The following TMEM132D variants were observed in gnomAD, a reference collection of about 807,000 sequenced individuals.
The protein encoded by TMEM132D is mature OL transmembrane protein.
In TMEM132D, 21 loss-of-function variants were observed where a neutral mutation model predicts 62.3. The observed-to-expected ratio is 0.34, with a 90% confidence interval of 0.24 to 0.49. TMEM132D has a LOEUF of 0.49. Ranked by LOEUF, TMEM132D falls within the 20% of genes least tolerant of loss-of-function variation. TMEM132D has a pLI of 0.99. For synonymous variants in TMEM132D, 621 were observed against 575.6 expected, an observed-to-expected ratio of 1.08 and a Z score of -1.13; for missense variants, 1,346 against 1,402.8, an observed-to-expected ratio of 0.96 and a Z score of 0.65.
At chr12:129,549,153 G>T (rs1230082361) in intron 2 of TMEM132D, among the ~76,000 whole-genome samples, 3 of 147,088 alleles carry the variant, frequency 2.0e-5, no homozygotes, top group East Asian at 2.1e-4. Flanking sequence ...AATCATGGGG[G>T]TGGTTCCCCC....
At chr12:129,236,870 TAC>T (rs1285988623) in intron 4 of TMEM132D, among the ~76,000 whole-genome samples, 3 of 152,208 alleles carry the variant, frequency 2.0e-5, no homozygotes, top group African/African-American at 7.2e-5. Context: ...GTTTTTCATA[TAC>T]AGTCTGTATT....
intron 3 of TMEM132D, among the ~76,000 whole-genome samples, chr12:129,353,945 A>AT: frequency 6.6e-6 from 1 of 152,100 alleles, no homozygotes; most frequent in South Asian, 2.1e-4. Context: ...CAACACAGAC[A>AT]GCTCTTCTCA....
chr12:129,081,188 G>A (rs1874435461), intron 7 of TMEM132D, among the ~76,000 whole-genome samples: 1 of 152,200 alleles, frequency 6.6e-6, no homozygotes. Flanking sequence ...CCATGGCTTG[G>A]GCAAAATCAT....
intron 1 of TMEM132D, among the ~76,000 whole-genome samples, chr12:129,900,174 C>T (rs758804421): frequency 5.6e-4 from 86 of 152,308 alleles, no homozygotes; most frequent in Non-Finnish European, 1.1e-3. Context: ...TGAAAGTTCT[C>T]ACCCAGCTGG....
At position 129,074,625 on chromosome 12, in the gene TMEM132D, C is replaced by T. The variant is rs377746256; in HGVS notation, c.2550G>A (p.Met850Ile). The change falls in exon 9 of 9, where the codon ATG becomes ATA. Residue 850 changes from methionine (M) to isoleucine (I), a missense_variant. Coordinates refer to ENST00000422113, the MANE Select transcript of TMEM132D (RefSeq NM_133448.3). The stretch of plus-strand genomic sequence containing the variant: ...TGTCTGTCGTGGTGCCCCGTCCCTC[C>T]ATGAGTCCCATAGAAGAACTGCCAT... ...QYYGSSSMGL[M>I]EGRGTTTDRS... 43 of 1,613,952 alleles carry T rather than the reference C, an allele frequency of 2.7e-5. 1 individual carries two copies. Among genetic ancestry groups the T allele is most frequent in the Non-Finnish European group, 3.6e-5 (43 of 1,180,028 alleles).
At chr12:129,420,668 C>T (rs142942320) in intron 3 of TMEM132D, among the ~76,000 whole-genome samples, 93 of 152,268 alleles carry the variant, frequency 6.1e-4, no homozygotes, top group East Asian at 5.8e-3. Context: ...GCCCAACCAA[C>T]GCTCAGCAAG....
At chr12:129,663,220 C>A (rs1320178673) in intron 2 of TMEM132D, among the ~76,000 whole-genome samples, 1 of 152,188 alleles carries the variant, frequency 6.6e-6, no homozygotes, top group African/African-American at 2.4e-5. Flanking sequence ...TCTCCGCAGC[C>A]TCCACCTCCT....
At chr12:129,403,273 T>C (rs1436226101) in intron 3 of TMEM132D, among the ~76,000 whole-genome samples, 1 of 146,934 alleles carries the variant, frequency 6.8e-6, no homozygotes, top group Admixed American at 7.0e-5. Context: ...AACATTCATC[T>C]AGAATGCCGG....
rs1439994264 is a variant in TMEM132D at position 129,277,103 on chromosome 12, A to C, written c.1299+60531T>G. Among the ~76,000 whole-genome samples, 5 of 152,206 alleles carry C rather than the reference A, an allele frequency of 3.3e-5. No individual in the cohort carries two copies. The highest frequency in any genetic ancestry group is 1.2e-4 in the African/African-American group (5 of 41,450). On this transcript the variant is annotated intron_variant, in intron 4 of 8. Transcript: ENST00000422113. The surrounding 1 kb of genome is among the most constrained non-coding windows in gnomAD (Gnocchi z 4.2). ...ATGGACGAGCACAAAGGGGCTTAAT[A>C]ATATAAAGGTGAATTTCAGGGCCTT...
intron 5 of TMEM132D, among the ~76,000 whole-genome samples, chr12:129,167,421 A>C (rs1877599431): frequency 6.6e-6 from 1 of 152,136 alleles, no homozygotes; most frequent in African/African-American, 2.4e-5. Context: ...CTGGCACCTA[A>C]AACCAGACTG....
chr12:129,200,691 T>G (rs1878679261), intron 5 of TMEM132D, among the ~76,000 whole-genome samples: 2 of 152,318 alleles, frequency 1.3e-5, no homozygotes, highest in Middle Eastern at 6.8e-3. Flanking sequence ...CCAGCTGGAT[T>G]GCAGAAAGAG....
In TMEM132D at chr12:129,074,507, C is replaced by T. The variant is rs971213531; in HGVS notation, c.2668G>A (p.Ala890Thr). ...TIPSDLTSFPAQVDLPRSNGE... is the reference protein window; with the variant it reads ...TIPSDLTSFPTQVDLPRSNGE... ...TTGCTTCTGGGGAGGTCCACCTGGG[C>T]TGGGAAGCTGGTGAGGTCGCTGGGG... The change falls in exon 9 of 9, where the codon GCC (alanine) becomes ACC (threonine). Residue 890 changes from alanine (A) to threonine (T), a missense_variant. By Grantham distance (58) the Ala-to-Thr change is moderately conservative. Coordinates refer to ENST00000422113, the MANE Select transcript of TMEM132D (RefSeq NM_133448.3). The T allele has an allele frequency of 6.2e-7, 1 of 1,614,064 alleles. No homozygotes were observed. Among genetic ancestry groups the T allele is most frequent in the Non-Finnish European group, 8.5e-7 (1 of 1,180,024 alleles).
intron 1 of TMEM132D, among the ~76,000 whole-genome samples, chr12:129,738,661 T>C (rs530163105): frequency 6.6e-6 from 1 of 152,176 alleles, no homozygotes; most frequent in Non-Finnish European, 1.5e-5. Context: ...TCCTGAATGA[T>C]TCAGTCAGAC....
chr12:129,627,335 T>C (rs1879248341), intron 2 of TMEM132D, among the ~76,000 whole-genome samples: 1 of 152,240 alleles, frequency 6.6e-6, no homozygotes, highest in African/African-American at 2.4e-5. Flanking sequence ...TACAATTTCC[T>C]GCCATATTCA....
intron 1 of TMEM132D, among the ~76,000 whole-genome samples, chr12:129,712,749 G>C (rs1284547222): frequency 6.6e-6 from 1 of 152,210 alleles, no homozygotes; most frequent in Non-Finnish European, 1.5e-5. Flanking sequence ...GTGTCTGGAA[G>C]ATCTGAAAAG....
intron 2 of TMEM132D, among the ~76,000 whole-genome samples, chr12:129,531,411 T>C (rs937913052): frequency 2.0e-5 from 3 of 152,162 alleles, no homozygotes; most frequent in African/African-American, 7.2e-5. Flanking sequence ...ACTAAAGAGC[T>C]AGAGATGGTA....
intron 3 of TMEM132D, among the ~76,000 whole-genome samples, chr12:129,369,053 C>T (rs1459354774): frequency 6.6e-6 from 1 of 152,152 alleles, no homozygotes; most frequent in East Asian, 1.9e-4. Context: ...GCTGTGATAC[C>T]AGCCAAGGAG....
chr12:129,238,797 G>A (rs184645075), intron 4 of TMEM132D, among the ~76,000 whole-genome samples: 5 of 152,284 alleles, frequency 3.3e-5, no homozygotes, highest in Admixed American at 6.5e-5. Flanking sequence ...ATGGGTGTCC[G>A]AATATCCCTT....
At chr12:129,405,201 T>G (rs1871744596) in intron 3 of TMEM132D, among the ~76,000 whole-genome samples, 1 of 152,096 alleles carries the variant, frequency 6.6e-6, no homozygotes, top group South Asian at 2.1e-4. Flanking sequence ...TTCTGCTGAT[T>G]TGGCTCCTGG....
Sources: gnomAD v4.1 joint callset for allele counts (sites outside exome capture counted in the v4.1 genomes callset) on GRCh38, gnomAD v4.1.1 for gene constraint, Gnocchi (gnomAD v3.1) non-coding constraint, MANE v1.5 for transcripts, NCBI Gene and HGNC (gene_info 2026-07-23, HGNC 2026-07-21) for gene names.